Variants in MACROD2 observed in about 807,000 individuals in gnomAD.
The protein encoded by MACROD2 is ADP-ribose glycohydrolase MACROD2.
In MACROD2, 36 loss-of-function variants were observed where a neutral mutation model predicts 70.4. The observed-to-expected ratio is 0.51, with a 90% confidence interval of 0.39 to 0.68. The LOEUF is 0.68. MACROD2 is among the 30% of genes least tolerant of loss of function. MACROD2 has a pLI of 0.00. For synonymous variants in MACROD2, 172 were observed against 178.8 expected (o/e 0.96, Z 0.30); for missense variants, 496 against 538.4 (o/e 0.92, Z 0.78).
chr20:14,041,819 T>C (rs1414043292), intron 2 of MACROD2, among the ~76,000 whole-genome samples: 1 of 152,206 alleles, frequency 6.6e-6, no homozygotes, highest in Non-Finnish European at 1.5e-5. Context: ...AAAATCTGTC[T>C]GTTCCTCTCT....
At chr20:14,369,398 G>A (rs1418878045) in intron 3 of MACROD2, among the ~76,000 whole-genome samples, 1 of 152,214 alleles carries the variant, frequency 6.6e-6, no homozygotes, top group Non-Finnish European at 1.5e-5. Flanking sequence ...AAGCCAAGGA[G>A]AGAGTTGGAG....
At chr20:14,479,521 G>A (rs1418444557) in intron 3 of MACROD2, among the ~76,000 whole-genome samples, 1 of 152,128 alleles carries the variant, frequency 6.6e-6, no homozygotes, top group Non-Finnish European at 1.5e-5. Flanking sequence ...TTGGTGGGAG[G>A]TTGTAAGATG....
chr20:14,750,758 C>T (rs1389465575), intron 5 of MACROD2, among the ~76,000 whole-genome samples: 3 of 151,908 alleles, frequency 2.0e-5, no homozygotes, highest in African/African-American at 4.8e-5. Context: ...CATGCCTGGC[C>T]GTAACCAATT....
At chr20:14,590,070 G>T (rs6135194) in intron 4 of MACROD2, among the ~76,000 whole-genome samples, 16,774 of 152,032 alleles carry the variant, frequency 0.11, 1,312 homozygotes, top group South Asian at 0.33. Context: ...GCTCTAAAAA[G>T]AATTATATTT....
At chr20:14,037,885 C>T (rs777815950) in intron 2 of MACROD2, among the ~76,000 whole-genome samples, 7 of 150,842 alleles carry the variant, frequency 4.6e-5, no homozygotes, top group South Asian at 2.1e-4. Flanking sequence ...CATGGTGGTG[C>T]GAGCCTGTAG....
intron 8 of MACROD2, among the ~76,000 whole-genome samples, chr20:15,584,682 G>A (rs2048572495): frequency 6.6e-6 from 1 of 152,156 alleles, no homozygotes; most frequent in Non-Finnish European, 1.5e-5. Context: ...CTTGCGTAGT[G>A]TACCCACAGG....
intron 5 of MACROD2, among the ~76,000 whole-genome samples, chr20:14,837,650 G>T (rs2073043992): frequency 6.6e-6 from 1 of 151,924 alleles, no homozygotes; most frequent in Non-Finnish European, 1.5e-5. Context: ...TAATGATATT[G>T]ACCAGTCAAC....
intron 5 of MACROD2, among the ~76,000 whole-genome samples, chr20:14,974,869 G>A (rs1193317992): frequency 6.6e-6 from 1 of 152,112 alleles, no homozygotes; most frequent in African/African-American, 2.4e-5. Context: ...GTGAACTCTA[G>A]AACTGAGCCT....
intron 3 of MACROD2, among the ~76,000 whole-genome samples, chr20:14,401,037 G>A (rs919794591): frequency 1.3e-5 from 2 of 152,094 alleles, no homozygotes; most frequent in African/African-American, 4.8e-5. Flanking sequence ...TGGTTGAAGT[G>A]GCTGGTCAAT....
chr20:14,073,841 T>C (rs946374833), intron 2 of MACROD2, among the ~76,000 whole-genome samples: 1 of 152,224 alleles, frequency 6.6e-6, no homozygotes, highest in African/African-American at 2.4e-5. Context: ...TCCCCAAATA[T>C]GACTTTTTGA....
In MACROD2 at chr20:15,547,360, G is replaced by A. The variant is rs187097873; in HGVS notation, c.645+47513G>A. On this transcript the variant is annotated intron_variant, in intron 8 of 17. Coordinates refer to ENST00000684519, the MANE Select transcript of MACROD2 (RefSeq NM_001351661.2). ...CAGCTTTTGGCGCACTCCAAATGTA[G>A]CGGTACTAGCTGTTCTTATCTCATA... 9.2e-5 allele frequency among the ~76,000 whole-genome samples: 14 copies of A among 152,270 alleles called. No homozygotes were observed. The East Asian group carries it at 2.3e-3, about 25-fold the overall frequency.
At chr20:14,790,374 A>G (rs1356000848) in intron 5 of MACROD2, among the ~76,000 whole-genome samples, 2 of 152,090 alleles carry the variant, frequency 1.3e-5, no homozygotes, top group African/African-American at 4.8e-5. Flanking sequence ...TTGAGTAGGT[A>G]TACATTGGAA....
At chr20:14,824,316 C>T (rs1316789993) in intron 5 of MACROD2, among the ~76,000 whole-genome samples, 36 of 151,986 alleles carry the variant, frequency 2.4e-4, no homozygotes, top group Admixed American at 1.9e-3. Flanking sequence ...CAGTAGCAGA[C>T]GGTAAGAAAG....
intron 5 of MACROD2, among the ~76,000 whole-genome samples, chr20:15,084,079 T>G (rs7509278): frequency 2.8e-5 from 4 of 145,276 alleles, no homozygotes; most frequent in Non-Finnish European, 6.2e-5. Context: ...TTTGTTTTTT[T>G]TTTTTAATGA....
intron 5 of MACROD2, among the ~76,000 whole-genome samples, chr20:14,720,569 T>TTTTTTTTGTGTGTG (rs531072431): frequency 1.2e-5 from 1 of 84,164 alleles, no homozygotes; most frequent in African/African-American, 4.7e-5. Flanking sequence ...TTTTTTTTTT[T>TTTTTTTTGTGTGTG]TGTGAGGCAG....
chr20:14,626,504 G>C (rs1802728959), intron 4 of MACROD2, among the ~76,000 whole-genome samples: 1 of 151,938 alleles, frequency 6.6e-6, no homozygotes, highest in Admixed American at 6.6e-5. Flanking sequence ...CACCCTTTAG[G>C]GACATTTTTT....
intron 5 of MACROD2, among the ~76,000 whole-genome samples, chr20:15,189,244 A>ATTTT (rs760108211): frequency 7.1e-6 from 1 of 141,344 alleles, no homozygotes; most frequent in Non-Finnish European, 1.6e-5. Context: ...ACCAGGACTT[A>ATTTT]TTTTTTTTTT....
At chr20:15,923,609 A>G (rs1395712489) in intron 10 of MACROD2, among the ~76,000 whole-genome samples, 1 of 152,192 alleles carries the variant, frequency 6.6e-6, no homozygotes, top group Non-Finnish European at 1.5e-5. Flanking sequence ...CCGCTGAACC[A>G]GAACCCAGCT....
At chr20:15,426,677 A>C (rs1474087581) in intron 6 of MACROD2, among the ~76,000 whole-genome samples, 3 of 151,618 alleles carry the variant, frequency 2.0e-5, no homozygotes, top group African/African-American at 7.3e-5. Context: ...CCTGATTAGC[A>C]TGGAGACATA....
Sources: allele counts gnomAD v4.1 joint callset (sites outside exome capture counted in the v4.1 genomes callset), GRCh38; gene constraint gnomAD v4.1.1; transcripts MANE v1.5; gene names NCBI Gene and HGNC (gene_info 2026-07-23, HGNC 2026-07-21).